SENP6: variants seen among roughly 807,000 people sequenced by gnomAD.
SENP6 encodes SUMO specific peptidase 6.
In SENP6, 41 loss-of-function variants were observed where a neutral mutation model predicts 134.5. That is an observed-to-expected ratio of 0.30 (90% CI 0.24 to 0.40). The LOEUF is 0.40. Among genes scored for constraint, SENP6 ranks in the 10% least tolerant of loss-of-function variants. The pLI, the probability that SENP6 is intolerant of heterozygous loss-of-function variation, is 1.00. For synonymous variants in SENP6, 395 were observed against 429.8 expected, an observed-to-expected ratio of 0.92 and a Z score of 1.00; for missense variants, 1,248 against 1,312.5, an observed-to-expected ratio of 0.95 and a Z score of 0.76.
chr6:75,677,003 T>TTG, intron 13 of SENP6, 27 bp from the exon 14 acceptor site: 1 of 1,119,420 alleles, frequency 8.9e-7, no homozygotes, highest in Non-Finnish European at 1.3e-6. Context: ...TGTGTTTTTT[T>TTG]TTGGACTTAT....
At chr6:75,629,995 T>G (rs1768986547) in intron 3 of SENP6, among the ~76,000 whole-genome samples, 1 of 152,136 alleles carries the variant, frequency 6.6e-6, no homozygotes, top group African/African-American at 2.4e-5. Context: ...TTGGCCATAC[T>G]TTGTTCTTTG....
chr6:75,625,038 G>A (rs1322733936), intron 3 of SENP6, among the ~76,000 whole-genome samples: 1 of 150,370 alleles, frequency 6.7e-6, no homozygotes, highest in African/African-American at 2.4e-5. Context: ...TAGGTTTGAT[G>A]AAATAAGGTA....
intron 3 of SENP6, among the ~76,000 whole-genome samples, chr6:75,631,625 A>G (rs949256168): frequency 2.0e-5 from 3 of 152,220 alleles, no homozygotes; most frequent in African/African-American, 7.2e-5. Flanking sequence ...GTCCATAAGT[A>G]AAGTTTTCTT....
chr6:75,673,111 G>A (rs1220881128), intron 11 of SENP6, among the ~76,000 whole-genome samples: 1 of 152,112 alleles, frequency 6.6e-6, no homozygotes, highest in African/African-American at 2.4e-5. Flanking sequence ...ATAAGTGTGA[G>A]CCACTGCACC....
chr6:75,711,272 T>G, intron 20 of SENP6, 56 bp from the exon 21 acceptor site: 1 of 1,264,152 alleles, frequency 7.9e-7, no homozygotes, highest in Non-Finnish European at 1.1e-6. Context: ...TTTTGTTAGG[T>G]TATTAGTTAT....
chr6:75,674,843 G>A (rs567848331), intron 11 of SENP6, among the ~76,000 whole-genome samples: 78 of 152,034 alleles, frequency 5.1e-4, no homozygotes, highest in Middle Eastern at 3.4e-3. Flanking sequence ...ATAACTCCCC[G>A]CTAAATTTTA....
intron 3 of SENP6, among the ~76,000 whole-genome samples, chr6:75,626,146 T>G (rs74557082): frequency 5.2e-5 from 7 of 133,998 alleles, no homozygotes; most frequent in African/African-American, 1.9e-4. Flanking sequence ...TGTTGTTGTT[T>G]TTTAATTTTG....
At chr6:75,626,571 T>C (rs556441232) in intron 3 of SENP6, among the ~76,000 whole-genome samples, 1 of 152,202 alleles carries the variant, frequency 6.6e-6, no homozygotes, top group Non-Finnish European at 1.5e-5. Flanking sequence ...CCCAGTCTTT[T>C]GCTATTACGT....
chr6:75,622,828 G>C (rs1208906552), intron 2 of SENP6: 1 of 1,288,030 alleles, frequency 7.8e-7, no homozygotes, highest in African/African-American at 1.5e-5. Flanking sequence ...ATGTTGATTT[G>C]AAGTTTTATT....
intron 1 of SENP6, among the ~76,000 whole-genome samples, 172 bp downstream of exon 1, chr6:75,602,748 C>A (rs576989370): frequency 2.0e-5 from 3 of 152,062 alleles, no homozygotes; most frequent in African/African-American, 7.2e-5. Flanking sequence ...GGTTCGAGTC[C>A]GCCTAGGCGA....
At chr6:75,638,586 GTGTGTATATATATATA>G (rs1286519315) in intron 5 of SENP6, among the ~76,000 whole-genome samples, 7 of 29,434 alleles carry the variant, frequency 2.4e-4, no homozygotes, top group South Asian at 2.7e-3. Flanking sequence ...GTGTGTGTGT[GTGTGTATATATATATA>G]TATATATATA....
chr6:75,693,215 C>G (rs2149892794), intron 16 of SENP6, among the ~76,000 whole-genome samples: 1 of 151,848 alleles, frequency 6.6e-6, no homozygotes, highest in East Asian at 1.9e-4. Flanking sequence ...ACCTGGCCAA[C>G]ATGGTGAAAC....
chr6:75,695,161 C>T (rs895054313), intron 16 of SENP6, among the ~76,000 whole-genome samples: 21 of 152,076 alleles, frequency 1.4e-4, no homozygotes, highest in Non-Finnish European at 2.4e-4. Flanking sequence ...CAGGCATGAG[C>T]CACCGTGTGC....
intron 9 of SENP6, among the ~76,000 whole-genome samples, chr6:75,665,267 CAGAGTG>C (rs1772112925): frequency 6.8e-6 from 1 of 146,506 alleles, no homozygotes; most frequent in Middle Eastern, 3.4e-3. Flanking sequence ...GCCTGGGTGA[CAGAGTG>C]AGACTCCGTC....
chr6:75,613,086 C>A (rs559457016), intron 1 of SENP6, among the ~76,000 whole-genome samples: 2 of 151,676 alleles, frequency 1.3e-5, no homozygotes, highest in South Asian at 2.1e-4. Flanking sequence ...TGCACTCCAG[C>A]CTGCGTGACA....
rs184198614 is a variant in SENP6 at position 75,654,059 on chromosome 6, A to G, written c.551-5203A>G. 2.0e-5 allele frequency among the ~76,000 whole-genome samples: 3 copies of G among 152,258 alleles called. No homozygotes were observed. In the East Asian group the frequency reaches 5.8e-4, roughly 29 times the overall value. ...GCCAGCATAGTGAGACCCTGTCTCT[A>G]TAAAATAAAAAAAAATTAGCCAGGT... On this transcript the variant is annotated intron_variant, in intron 7 of 23. Transcript: ENST00000447266.
chr6:75,620,048 GC>G (rs1768148152), intron 1 of SENP6, among the ~76,000 whole-genome samples: 1 of 147,306 alleles, frequency 6.8e-6, no homozygotes, highest in Admixed American at 6.9e-5. Flanking sequence ...AGCCATGATG[GC>G]ACCACTGCAC....
At chr6:75,660,923 G>T (rs772261987) in intron 8 of SENP6, among the ~76,000 whole-genome samples, 1 of 152,034 alleles carries the variant, frequency 6.6e-6, no homozygotes, top group Non-Finnish European at 1.5e-5. Context: ...GAGCCACCGC[G>T]CCTGGCCATT....
chr6:75,678,397 A>G, intron 14 of SENP6, 186 bp from the exon 15 acceptor site: 1 of 513,634 alleles, frequency 1.9e-6, no homozygotes, highest in Non-Finnish European at 3.4e-6. Context: ...TAGAAGCTAC[A>G]GATAATAAGA....
Sources: allele counts gnomAD v4.1 joint callset (sites outside exome capture counted in the v4.1 genomes callset), GRCh38; gene constraint gnomAD v4.1.1; transcripts MANE v1.5; gene names NCBI Gene and HGNC (gene_info 2026-07-23, HGNC 2026-07-21).